The following PTPRG variants were observed in gnomAD, a reference collection of about 807,000 sequenced individuals.
PTPRG encodes protein tyrosine phosphatase receptor type G.
In PTPRG, 102 loss-of-function variants were observed where a neutral mutation model predicts 165.3. That is an observed-to-expected ratio of 0.62 (90% confidence interval 0.53 to 0.73). The LOEUF (loss-of-function observed/expected upper bound fraction) is 0.73, where lower values mean the gene tolerates loss of function less well. PTPRG is among the 30% of genes least tolerant of loss of function. The pLI is 0.00. For synonymous variants in PTPRG, 675 were observed against 669.5 expected (o/e 1.01, Z -0.13); for missense variants, 1,866 against 1,861.4 (o/e 1.00, Z -0.05).
At chr3:62,077,610 T>C (rs562975560) in intron 4 of PTPRG, among the ~76,000 whole-genome samples, 3 of 152,308 alleles carry the variant, frequency 2.0e-5, no homozygotes, top group South Asian at 2.1e-4. Context: ...GTTTTACTTA[T>C]TTTGGGTGGC....
rs192437479 is a variant in PTPRG at position 61,573,458 on chromosome 3, C to T, written c.85+11086C>T. The stretch of plus-strand genomic sequence containing the variant: ...TTTTACAACAACAACATGCGAAAGC[C>T]TGAACTTTGTACAATAGAGTGGCTA... On this transcript the variant is annotated intron_variant, in intron 1 of 29. Transcript: ENST00000474889. 8.5e-5 allele frequency among the ~76,000 whole-genome samples: 13 copies of T among 152,114 alleles called. No homozygotes were observed. In the East Asian group the frequency reaches 2.1e-3, roughly 25 times the overall value.
At chr3:61,961,361 C>T (rs1329918732) in intron 2 of PTPRG, among the ~76,000 whole-genome samples, 2 of 152,120 alleles carry the variant, frequency 1.3e-5, no homozygotes, top group Non-Finnish European at 2.9e-5. Context: ...TTTTTCTCAG[C>T]AGTGGGGATA....
chr3:61,876,359 G>C (rs980803580), intron 2 of PTPRG, among the ~76,000 whole-genome samples: 3 of 152,108 alleles, frequency 2.0e-5, no homozygotes, highest in African/African-American at 7.2e-5. Context: ...AGGACATTAA[G>C]GGAAAATCTA....
intron 1 of PTPRG, among the ~76,000 whole-genome samples, chr3:61,687,115 C>G (rs1013721909): frequency 2.6e-5 from 4 of 152,138 alleles, no homozygotes; most frequent in Non-Finnish European, 4.4e-5. Context: ...CAATACCTAC[C>G]CTGAAATGAA....
intron 2 of PTPRG, among the ~76,000 whole-genome samples, chr3:61,811,865 C>T (rs747452451): frequency 6.6e-6 from 1 of 152,198 alleles, no homozygotes; most frequent in South Asian, 2.1e-4. Context: ...TTTTGTTCCT[C>T]TGCCAGTACC....
intron 5 of PTPRG, among the ~76,000 whole-genome samples, chr3:62,079,467 T>A (rs1701494414): frequency 6.6e-6 from 1 of 152,192 alleles, no homozygotes; most frequent in Admixed American, 6.5e-5. Context: ...GAATAGGAAA[T>A]AAGTCAGAAA....
intron 2 of PTPRG, among the ~76,000 whole-genome samples, chr3:61,777,708 C>T (rs1415729271): frequency 6.6e-6 from 1 of 152,160 alleles, no homozygotes; most frequent in Non-Finnish European, 1.5e-5. Context: ...GGGTATCACA[C>T]AGGAGGATTA....
chr3:62,240,370 G>GA lies in PTPRG; in HGVS notation c.2376-3428dup, dbSNP rs200369971. On this transcript the variant is annotated intron_variant, in intron 14 of 29. Coordinates refer to ENST00000474889, the MANE Select transcript of PTPRG (RefSeq NM_002841.4). This position sits in a 1 kb window ranked among gnomAD's most constrained non-coding sequence, Gnocchi z 5.1. Reference sequence around the variant, plus strand: ...AAAATACATACTCCCCCAATACCCAGAAAAAAAAATGGAAAACAGCCCATC... The same window carrying GA: ...AAAATACATACTCCCCCAATACCCAGAAAAAAAAAATGGAAAACAGCCCATC... Among the ~76,000 whole-genome samples the GA allele has an allele frequency of 1.2e-4, 18 of 150,014 alleles. 2 individuals are homozygous for GA. The South Asian group carries it at 1.3e-3, about 11-fold the overall frequency.
intron 14 of PTPRG, among the ~76,000 whole-genome samples, chr3:62,239,308 C>T (rs942024131): frequency 3.3e-5 from 5 of 151,344 alleles, no homozygotes; most frequent in Middle Eastern, 3.4e-3. Flanking sequence ...CAGTGACACA[C>T]GTAAGCACTT....
At chr3:61,962,709 CATACTT>C (rs34291492) in intron 2 of PTPRG, among the ~76,000 whole-genome samples, 20,588 of 151,968 alleles carry the variant, frequency 0.14, 2,102 homozygotes, top group African/African-American at 0.28. Flanking sequence ...ACACATGAAT[CATACTT>C]ATAGTAAGCA....
intron 3 of PTPRG, among the ~76,000 whole-genome samples, chr3:61,992,241 AT>A (rs2040913690): frequency 8.8e-6 from 1 of 113,674 alleles, no homozygotes; most frequent in South Asian, 2.7e-4. Flanking sequence ...AAGAACATGC[AT>A]TTTTGCATTT....
chr3:61,956,569 G>T (rs1001501950), intron 2 of PTPRG, among the ~76,000 whole-genome samples: 1 of 152,150 alleles, frequency 6.6e-6, no homozygotes, highest in African/African-American at 2.4e-5. Flanking sequence ...ACCAGCTCAA[G>T]AATTAATTCA....
intron 2 of PTPRG, among the ~76,000 whole-genome samples, chr3:61,953,310 G>A (rs2039942220): frequency 6.6e-6 from 1 of 152,106 alleles, no homozygotes; most frequent in African/African-American, 2.4e-5. Context: ...TTGCTTGAAA[G>A]GGGCAAAAAT....
rs547164865 is a variant in PTPRG, at chr3:61,826,716, A to G, written c.190+77734A>G. On this transcript the variant is annotated intron_variant, in intron 2 of 29. Transcript: ENST00000474889. ...CCAAGTACTTTTTACACCTCCCTTT[A>G]TAGCCCTTTTTGTAAGCAAAGATGC... is the stretch of plus-strand genomic sequence containing the variant. Among the ~76,000 whole-genome samples the G allele has an allele frequency of 2.6e-5, 4 of 152,110 alleles. No individual in the cohort carries two copies. The East Asian group carries it at 7.7e-4, about 29-fold the overall frequency.
At chr3:61,891,655 G>A (rs1343522269) in intron 2 of PTPRG, among the ~76,000 whole-genome samples, 1 of 152,236 alleles carries the variant, frequency 6.6e-6, no homozygotes, top group African/African-American at 2.4e-5. Flanking sequence ...GTAGCTGAGA[G>A]CAGTGGAGAT....
intron 2 of PTPRG, among the ~76,000 whole-genome samples, chr3:61,883,366 C>T (rs886372676): frequency 1.3e-5 from 2 of 152,116 alleles, no homozygotes; most frequent in Non-Finnish European, 2.9e-5. Context: ...CCCTGTGGTT[C>T]TCCACCTGGG....
At position 62,269,789 on chromosome 3, in the gene PTPRG, G is replaced by C. The variant is rs35839504; in HGVS notation, c.3009+620G>C. The stretch of plus-strand genomic sequence containing the variant: ...ATCCACTGTCACAACAAATATCCTA[G>C]ATCAATCATCACAGCAGTACACAGT... On this transcript the variant is annotated intron_variant, in intron 20 of 29. Transcript: ENST00000474889. Among the ~76,000 whole-genome samples the C allele has an allele frequency of 2.6e-5, 4 of 152,108 alleles. No homozygotes were observed. The East Asian group carries it at 7.7e-4, about 29-fold the overall frequency.
At position 61,710,502 on chromosome 3, in the gene PTPRG, C is replaced by G. The variant is rs12633608; in HGVS notation, c.86-38376C>G. Among the ~76,000 whole-genome samples the G allele has an allele frequency of 8.0e-4, 122 of 152,284 alleles. 2 individuals are homozygous for G. The East Asian group carries it at 0.02, about 25-fold the overall frequency. ...TCTTGACTAGTAAGTGGCCCCAGAT[C>G]ATTCCAAGCTTGTCCAACCCGTGGC... On this transcript the variant is annotated intron_variant, in intron 1 of 29. Transcript: ENST00000474889.
At chr3:61,668,957 A>G (rs531360631) in intron 1 of PTPRG, among the ~76,000 whole-genome samples, 5 of 152,332 alleles carry the variant, frequency 3.3e-5, no homozygotes, top group Admixed American at 1.3e-4. Context: ...TTGCTAAATC[A>G]GTGGTGGCCT....
Sources: allele counts gnomAD v4.1 joint callset (sites outside exome capture counted in the v4.1 genomes callset), GRCh38; gene constraint gnomAD v4.1.1; non-coding constraint Gnocchi (gnomAD v3.1); transcripts MANE v1.5; gene names NCBI Gene and HGNC (gene_info 2026-07-23, HGNC 2026-07-21).